ULK2: variants seen among roughly 807,000 people sequenced by gnomAD.
ULK2 encodes the protein serine/threonine-protein kinase ULK2.
ULK2 carries 76 observed loss-of-function variants against 127.5 expected under a neutral mutation model. The observed-to-expected ratio is 0.60, with a 90% CI of 0.50 to 0.72. The LOEUF (loss-of-function observed/expected upper bound fraction) is 0.72, where lower values mean the gene tolerates loss of function less well. ULK2 is among the 30% of genes least tolerant of loss of function. The pLI is 0.00. For missense variants in ULK2, 1,144 were observed against 1,295.9 expected (o/e 0.88, Z 1.80); for synonymous variants, 452 against 461.9 (o/e 0.98, Z 0.28).
intron 14 of ULK2, among the ~76,000 whole-genome samples, chr17:19,806,511 T>C (rs2087519104): frequency 6.6e-6 from 1 of 152,224 alleles, no homozygotes. Context: ...CATGAGGACA[T>C]GAACAGCCAT....
intron 9 of ULK2, chr17:19,840,491 T>C: frequency 2.2e-6 from 1 of 459,922 alleles, no homozygotes; most frequent in South Asian, 1.8e-5. Context: ...GAAAATTGGA[T>C]CAAACATTTA....
At chr17:19,784,077 T>C (rs927947067) in intron 21 of ULK2, 172 bp from the exon 22 acceptor site, 2 of 454,394 alleles carry the variant, frequency 4.4e-6, no homozygotes, top group Non-Finnish European at 7.2e-6. Flanking sequence ...TACTTATCCA[T>C]GTTCATTGTT....
intron 16 of ULK2, among the ~76,000 whole-genome samples, chr17:19,801,343 G>C (rs112494287): frequency 0.054 from 8,233 of 152,248 alleles, 640 homozygotes; most frequent in African/African-American, 0.16. Flanking sequence ...GAAGGCCAAG[G>C]CGAGTGGATG....
intron 15 of ULK2, among the ~76,000 whole-genome samples, chr17:19,802,492 G>A (rs1444121317): frequency 6.6e-6 from 1 of 152,096 alleles, no homozygotes; most frequent in Non-Finnish European, 1.5e-5. Context: ...AAGAAGCATG[G>A]CATTATTTTA....
chr17:19,848,389 CA>C (rs2041940780), intron 5 of ULK2: 1 of 152,164 alleles, frequency 6.6e-6, no homozygotes, highest in African/African-American at 2.4e-5. Context: ...GTATTTGGAA[CA>C]AGTGAAATAC....
At chr17:19,777,088 C>CCTACCTACCTAT (rs1178130609) in intron 26 of ULK2, among the ~76,000 whole-genome samples, 1 of 151,982 alleles carries the variant, frequency 6.6e-6, no homozygotes, top group Non-Finnish European at 1.5e-5. Context: ...TATCTACCTA[C>CCTACCTACCTAT]CTACCTACCT....
In ULK2 at chr17:19,795,636, C is replaced by A; in HGVS notation, c.2087G>T (p.Arg696Leu). 1 of 1,613,862 alleles carries A rather than the reference C, an allele frequency of 6.2e-7. No individual in the cohort carries two copies. Among genetic ancestry groups the A allele is most frequent in the South Asian group, 1.1e-5 (1 of 91,048 alleles). Reference protein sequence around the residue: ...QGSTDSLNTERPMDIAPAGAC... With the variant: ...QGSTDSLNTELPMDIAPAGAC... ...ATTTTTCTTACCTATATCCATTGGT[C>A]GTTCTGTATTTAAACTGTCTGTGCT... The change falls in exon 20 of 27, where the codon CGA becomes CTA. Residue 696 changes from arginine (R) to leucine (L), a missense_variant. Around this residue, in one of 2 missense-constraint regions of ULK2, gnomAD observed 913 missense variants for 970.5 expected, o/e 0.94. Coordinates refer to ENST00000395544, the MANE Select transcript of ULK2 (RefSeq NM_014683.4).
intron 10 of ULK2, among the ~76,000 whole-genome samples, chr17:19,828,247 A>G (rs1034588559): frequency 2.0e-5 from 3 of 152,348 alleles, no homozygotes; most frequent in East Asian, 1.9e-4. Context: ...GACCTCCCCT[A>G]TAAGAAATGC....
At chr17:19,866,360 T>C (rs2042351208) in intron 1 of ULK2, among the ~76,000 whole-genome samples, 1 of 150,026 alleles carries the variant, frequency 6.7e-6, no homozygotes, top group Non-Finnish European at 1.5e-5. Context: ...AAAAAAAAAT[T>C]AGGCGGGCGT....
intron 12 of ULK2, 28 bp from the exon 13 acceptor site, chr17:19,816,948 T>C: frequency 6.3e-7 from 1 of 1,579,338 alleles, no homozygotes; most frequent in Non-Finnish European, 8.6e-7. Flanking sequence ...AAATTAAAAC[T>C]GGTCTAATAA....
Position 19,783,809 on chromosome 17 carries a change from C to A in ULK2, c.2348G>T (p.Gly783Val), listed in dbSNP as rs749058003. The A allele has an allele frequency of 5.6e-6, 9 of 1,604,548 alleles. No individual in the cohort carries two copies. The highest frequency in any genetic ancestry group is 7.7e-6 in the Non-Finnish European group (9 of 1,175,272). The change falls in exon 22 of 27, where the codon GGA (glycine) becomes GTA (valine). Residue 783 changes from glycine (G) to valine (V), a missense_variant. Gly to Val is a moderately radical substitution (Grantham distance 109). This residue lies in a region of ULK2 where 913 missense variants were observed against 970.5 expected (regional missense o/e 0.94). Transcript: ENST00000395544. ...PGPGFGSSPP[G>V]AEAAPSLRYV... Reference sequence around the variant, plus strand: ...TCTCAGGCTGGGAGCTGCCTCTGCTCCTGGAGGGGAAGAGCCGAAGCCTGG... The same window carrying A: ...TCTCAGGCTGGGAGCTGCCTCTGCTACTGGAGGGGAAGAGCCGAAGCCTGG...
At chr17:19,807,732 T>C (rs936204868) in intron 14 of ULK2, among the ~76,000 whole-genome samples, 2 of 152,088 alleles carry the variant, frequency 1.3e-5, no homozygotes, top group African/African-American at 2.4e-5. Context: ...TCCCATATCC[T>C]CAAAGAGAGG....
At chr17:19,866,051 A>C (rs865957915) in intron 1 of ULK2, among the ~76,000 whole-genome samples, 42 of 152,360 alleles carry the variant, frequency 2.8e-4, no homozygotes, top group African/African-American at 9.9e-4. Flanking sequence ...CATGGTAACT[A>C]ACATTAAATG....
intron 15 of ULK2, among the ~76,000 whole-genome samples, chr17:19,804,451 C>T (rs2087468722): frequency 6.6e-6 from 1 of 151,732 alleles, no homozygotes; most frequent in Non-Finnish European, 1.5e-5. Flanking sequence ...TGTCTATACA[C>T]ATGTATACTT....
At chr17:19,817,088 T>C (rs2152390500) in intron 12 of ULK2, among the ~76,000 whole-genome samples, 168 bp from the exon 13 acceptor site, 1 of 152,350 alleles carries the variant, frequency 6.6e-6, no homozygotes. Flanking sequence ...TTAGAAAACC[T>C]TTCTTTTAAA....
At position 19,862,467 on chromosome 17, in the gene ULK2, A is replaced by AT. The variant is rs958193201; in HGVS notation, c.225+2335dup. Among the ~76,000 whole-genome samples, 208 of 144,212 alleles carry AT rather than the reference A, an allele frequency of 1.4e-3. 1 individual carries two copies. In the Middle Eastern group the frequency reaches 0.015, roughly 11 times the overall value. The allele number at this position is 144,212 out of a possible 152,430, so 94.6% of individuals were successfully genotyped here. On this transcript the variant is annotated intron_variant, in intron 3 of 26. Coordinates refer to ENST00000395544, the MANE Select transcript of ULK2 (RefSeq NM_014683.4). ...TGATATGACCACATGAAAAATGACA[A>AT]TTTTTTTTTTTTGTTTGAGATGGAG...
At chr17:19,829,548 A>AAAAACGGGGGGGG (rs531835867) in intron 10 of ULK2, among the ~76,000 whole-genome samples, 1 of 25,514 alleles carries the variant, frequency 3.9e-5, no homozygotes, top group Non-Finnish European at 8.7e-5. Context: ...GAAAAAAAAA[A>AAAAACGGGGGGGG]GGGGGGGGGC....
rs913218238 is a variant in ULK2 at position 19,775,044 on chromosome 17, A to G, written c.*1305T>C. On this transcript the variant is annotated 3_prime_UTR_variant, in exon 27 of 27. Transcript: ENST00000395544. ...CATTAAAATTAGATTAATGCCAAAGAGCTCTGTGCAATTTGTCAAAGAGTT... is the reference window on the plus strand; with the variant it reads ...CATTAAAATTAGATTAATGCCAAAGGGCTCTGTGCAATTTGTCAAAGAGTT... The G allele has an allele frequency of 1.3e-5, 2 of 152,668 alleles. No homozygotes were observed. The highest frequency in any genetic ancestry group is 2.9e-5 in the Non-Finnish European group (2 of 68,048). 9.5% of individuals were successfully genotyped at this position (152,668 alleles called of 1,614,324 possible).
At chr17:19,840,705 C>T (rs2041727088) in intron 9 of ULK2, among the ~76,000 whole-genome samples, 1 of 149,412 alleles carries the variant, frequency 6.7e-6, no homozygotes, top group Non-Finnish European at 1.5e-5. Flanking sequence ...GGTGAAACTC[C>T]GTGTCCACTA....
Sources: gnomAD v4.1 joint callset for allele counts (sites outside exome capture counted in the v4.1 genomes callset) on GRCh38, gnomAD v4.1.1 for gene constraint, gnomAD v4.1.1 regional missense constraint, MANE v1.5 for transcripts, NCBI Gene and HGNC (gene_info 2026-07-23, HGNC 2026-07-21) for gene names.